CDH17: variants seen among roughly 807,000 people sequenced by gnomAD.
CDH17 encodes cadherin 17.
In CDH17, 67 loss-of-function variants were observed where a neutral mutation model predicts 86.3. That is an observed-to-expected ratio of 0.78 (90% CI 0.64 to 0.95). The LOEUF (loss-of-function observed/expected upper bound fraction) is 0.95. Among genes scored for constraint, CDH17 ranks in the 40% least tolerant of loss-of-function variants. The probability of loss-of-function intolerance (pLI) is 0.00; values close to 1 mark genes in which losing one functional copy is unlikely to be tolerated. For missense variants in CDH17, 993 were observed against 1,017.6 expected, an observed-to-expected ratio of 0.98 and a Z score of 0.33; for synonymous variants, 367 against 366.4, an observed-to-expected ratio of 1.00 and a Z score of -0.02.
At chr8:94,163,864 C>T (rs1813105134) in intron 10 of CDH17, among the ~76,000 whole-genome samples, 1 of 152,308 alleles carries the variant, frequency 6.6e-6, no homozygotes, top group African/African-American at 2.4e-5. Flanking sequence ...AGACCCAGAA[C>T]CCACTGGCTC....
At chr8:94,182,118 G>T (rs371019588) in intron 3 of CDH17, among the ~76,000 whole-genome samples, 27 of 152,132 alleles carry the variant, frequency 1.8e-4, no homozygotes, top group East Asian at 1.4e-3. Context: ...TATAACAAGG[G>T]ATTGTATTAG....
At position 94,154,964 on chromosome 8, in the gene CDH17, T is replaced by TGCAC. The variant is rs1812918671; in HGVS notation, c.1552-2856_1552-2853dup. Among the ~76,000 whole-genome samples, 2 of 152,042 alleles carry TGCAC rather than the reference T, an allele frequency of 1.3e-5. 1 individual carries two copies. The highest frequency in any genetic ancestry group is 4.2e-4 in the South Asian group (2 of 4,816). On this transcript the variant is annotated intron_variant, in intron 12 of 17. Transcript: ENST00000027335. ...TCCAGAATCCCCTTTCCCGCATGCATGCACCAACACACACCATCATGACTC... is the reference window on the plus strand; with the variant it reads ...TCCAGAATCCCCTTTCCCGCATGCATGCACGCACCAACACACACCATCATGACTC...
upstream of CDH17, among the ~76,000 whole-genome samples, chr8:94,211,020 C>CAAAAAAAAAAAAAAAAAAAA (rs59090058): frequency 1.1e-5 from 1 of 91,910 alleles, no homozygotes. Context: ...GACTGCATCT[C>CAAAAAAAAAAAAAAAAAAAA]AAAAAAAAAA....
chr8:94,158,294 G>A (rs941985404), intron 12 of CDH17, among the ~76,000 whole-genome samples: 5 of 152,098 alleles, frequency 3.3e-5, no homozygotes, highest in African/African-American at 1.2e-4. Flanking sequence ...TTTGGTCAGA[G>A]GCCTACTCTA....
At chr8:94,188,026 T>C (rs1813614067) in intron 3 of CDH17, among the ~76,000 whole-genome samples, 1 of 152,142 alleles carries the variant, frequency 6.6e-6, no homozygotes, top group Non-Finnish European at 1.5e-5. Context: ...GAGAGATAGC[T>C]TTCAGCCTCT....
intron 17 of CDH17, 134 bp downstream of exon 17, chr8:94,130,492 G>C (rs1321093875): frequency 3.3e-6 from 2 of 600,944 alleles, no homozygotes; most frequent in African/African-American, 3.7e-5. Context: ...ATTTGCTGGT[G>C]ATCTACCTTC....
chr8:94,170,825 C>A, intron 8 of CDH17, 29 bp downstream of exon 8: 1 of 1,606,796 alleles, frequency 6.2e-7, no homozygotes, highest in South Asian at 1.1e-5. Flanking sequence ...TTTGTCTTGT[C>A]GCCTGTGAAA....
intron 3 of CDH17, among the ~76,000 whole-genome samples, chr8:94,182,298 C>G (rs1258329716): frequency 6.6e-6 from 1 of 151,948 alleles, no homozygotes; most frequent in Non-Finnish European, 1.5e-5. Flanking sequence ...ATCCTGATAC[C>G]CAAACCAGAA....
intron 3 of CDH17, among the ~76,000 whole-genome samples, chr8:94,182,955 A>G (rs138075757): frequency 7.8e-4 from 119 of 152,226 alleles, no homozygotes; most frequent in Middle Eastern, 3.4e-3. Flanking sequence ...AATCTTTCTA[A>G]CCATTAGCAA....
chr8:94,187,005 C>T (rs924303350), intron 3 of CDH17, among the ~76,000 whole-genome samples: 10 of 152,228 alleles, frequency 6.6e-5, no homozygotes, highest in African/African-American at 1.9e-4. Context: ...TCAGCACCTG[C>T]TTCCTGACTG....
chr8:94,183,378 T>C (rs1813518424), intron 3 of CDH17, among the ~76,000 whole-genome samples: 1 of 152,038 alleles, frequency 6.6e-6, no homozygotes, highest in South Asian at 2.1e-4. Context: ...AGTACTGGCA[T>C]AAACATATAT....
At chr8:94,155,892 CCA>C (rs1375998081) in intron 12 of CDH17, among the ~76,000 whole-genome samples, 2 of 152,188 alleles carry the variant, frequency 1.3e-5, no homozygotes. Flanking sequence ...CGCATAACTT[CCA>C]CACCTGGAAA....
intron 14 of CDH17, among the ~76,000 whole-genome samples, chr8:94,148,076 C>A (rs113458359): frequency 7.9e-5 from 12 of 152,288 alleles, no homozygotes; most frequent in Non-Finnish European, 1.8e-4. Flanking sequence ...GTGAACAGGT[C>A]AGTGGTTTGA....
At chr8:94,187,292 C>G (rs1813599542) in intron 3 of CDH17, among the ~76,000 whole-genome samples, 1 of 152,156 alleles carries the variant, frequency 6.6e-6, no homozygotes, top group South Asian at 2.1e-4. Context: ...TACCCTCTGC[C>G]CCCTCCACAT....
At chr8:94,161,613 C>A (rs60175287) in intron 11 of CDH17, among the ~76,000 whole-genome samples, 3,744 of 152,222 alleles carry the variant, frequency 0.025, 110 homozygotes, top group East Asian at 0.092. Flanking sequence ...GCACATTTTT[C>A]TTTGGCTTAA....
At chr8:94,129,529 GAAC>G (rs1812369492) in intron 17 of CDH17, among the ~76,000 whole-genome samples, 1 of 152,012 alleles carries the variant, frequency 6.6e-6, no homozygotes, top group Non-Finnish European at 1.5e-5. Flanking sequence ...GATGCTGAGA[GAAC>G]AATCAATAAT....
chr8:94,166,007 A>C (rs1213103472), intron 9 of CDH17, 31 bp from the exon 10 acceptor site: 1 of 1,309,304 alleles, frequency 7.6e-7, no homozygotes, highest in African/African-American at 1.5e-5. Context: ...AAAACCCACC[A>C]TTACAGGCTC....
chr8:94,167,629 A>T (rs1813182453), intron 9 of CDH17, among the ~76,000 whole-genome samples: 1 of 152,150 alleles, frequency 6.6e-6, no homozygotes, highest in Admixed American at 6.5e-5. Context: ...GTGTGCTGGG[A>T]TGAAAGAGTG....
Position 94,148,730 on chromosome 8 carries a change from T to G in CDH17, c.1927+14A>C, listed in dbSNP as rs76453018. On this transcript the variant is annotated intron_variant, in intron 14 of 17. Coordinates refer to ENST00000027335, the MANE Select transcript of CDH17 (RefSeq NM_004063.4). ...GTGTTCCTTTTTTTTTGTTTTTTTT[T>G]TTTTTTTGCTTACCTACTTCTGTGG... 0.15 allele frequency: 208,395 copies of G among 1,424,782 alleles called. 17,505 individuals are homozygous for G. The highest frequency in any genetic ancestry group is 0.28 in the Admixed American group (9,802 of 34,466). 88.3% of individuals were successfully genotyped at this position (1,424,782 alleles called of 1,614,324 possible).
Sources: gnomAD v4.1 joint callset for allele counts (sites outside exome capture counted in the v4.1 genomes callset) on GRCh38, gnomAD v4.1.1 for gene constraint, MANE v1.5 for transcripts, NCBI Gene and HGNC (gene_info 2026-07-23, HGNC 2026-07-21) for gene names.